The following LAMA5 variants were observed in gnomAD, a reference collection of about 807,000 sequenced individuals.
The protein encoded by LAMA5 is laminin subunit alpha-5.
A neutral mutation model predicts 433.4 loss-of-function variants in LAMA5; 260 were observed. That is an observed-to-expected ratio of 0.60 (90% confidence interval 0.54 to 0.66). LAMA5 has a LOEUF of 0.66. LAMA5 is among the 30% of genes least tolerant of loss of function. The probability of loss-of-function intolerance (pLI) is 0.00; values close to 1 mark genes in which losing one functional copy is unlikely to be tolerated. For missense variants in LAMA5, 5,378 were observed against 5,258.5 expected, an observed-to-expected ratio of 1.02 and a Z score of -0.70; for synonymous variants, 2,620 against 2,226.6, an observed-to-expected ratio of 1.18 and a Z score of -4.97.
Position 62,320,898 on chromosome 20 carries a change from C to G in LAMA5, c.6497-8G>C. ...CCACACAGTGGTCACACACTGCAGG[C>G]GATGTGGGGTCACAGGTCAGTGTCA... is the stretch of plus-strand genomic sequence containing the variant. On this transcript the variant is annotated splice_region_variant and splice_polypyrimidine_tract_variant and intron_variant, in intron 48 of 79. Coordinates refer to ENST00000252999, the MANE Select transcript of LAMA5 (RefSeq NM_005560.6). 1.2e-6 allele frequency: 2 copies of G among 1,601,368 alleles called. No homozygotes were observed. The highest frequency in any genetic ancestry group is 1.7e-6 in the Non-Finnish European group (2 of 1,173,280).
chr20:62,362,518 C>A lies in LAMA5; in HGVS notation c.332G>T (p.Ser111Ile). ...QYCDICTAAN[S>I]NKAHPASNAI... is the part of the protein sequence containing the mutation. ...ATTGCTCGCGGGGTGTGCCTTGTTG[C>A]TGTTGGCAGCCGTGCAGATGTCACA... is the stretch of plus-strand genomic sequence containing the variant. The change falls in exon 2 of 80, where the codon AGC becomes ATC. Residue 111 changes from serine (S) to isoleucine (I), a missense_variant. Transcript: ENST00000252999. 1 of 1,600,702 alleles carries A rather than the reference C, an allele frequency of 6.2e-7. No individual in the cohort carries two copies. Among genetic ancestry groups the A allele is most frequent in the South Asian group, 1.1e-5 (1 of 89,692 alleles).
At chr20:62,355,082 C>G (rs1984977011) in intron 2 of LAMA5, among the ~76,000 whole-genome samples, 1 of 152,232 alleles carries the variant, frequency 6.6e-6, no homozygotes, top group African/African-American at 2.4e-5. Context: ...CCTCAGTACT[C>G]AGCCCAACTC....
At chr20:62,332,841 G>C (rs889441672) in intron 26 of LAMA5, 124 bp from the exon 27 acceptor site, 9 of 1,241,652 alleles carry the variant, frequency 7.2e-6, no homozygotes, top group Non-Finnish European at 9.9e-6. Context: ...CCCTGGCCCG[G>C]ACATCTCCAG....
At position 62,352,376 on chromosome 20, in the gene LAMA5, G is replaced by A. The variant is rs375908505; in HGVS notation, c.569-16C>T. The stretch of plus-strand genomic sequence containing the variant: ...CTCTTGGAGGCTGCGGGGAATGGCG[G>A]GAGGGGAGGGCGCTGGATCACCAGA... On this transcript the variant is annotated splice_polypyrimidine_tract_variant and intron_variant, in intron 3 of 79. Coordinates refer to ENST00000252999, the MANE Select transcript of LAMA5 (RefSeq NM_005560.6). 12 of 1,578,048 alleles carry A rather than the reference G, an allele frequency of 7.6e-6. No homozygotes were observed. In the African/African-American group the frequency reaches 1.5e-4, roughly 19 times the overall value.
In LAMA5 at chr20:62,339,586, C is replaced by G. The variant is rs142448598; in HGVS notation, c.1478-978G>C. Among the ~76,000 whole-genome samples the G allele has an allele frequency of 2.3e-4, 34 of 150,084 alleles. 1 individual carries two copies. The East Asian group carries it at 5.6e-3, about 25-fold the overall frequency. On this transcript the variant is annotated intron_variant, in intron 11 of 79. Transcript: ENST00000252999. ...AGAATGTATCAAATGTCTTAACTTA[C>G]GCATGAAAGGAGGGTTGTGAGCACG...
At position 62,314,618 on chromosome 20, in the gene LAMA5, G is replaced by T; in HGVS notation, c.8304C>A (p.Gly2768=). ...AYTALKFYLQ[G]PEPEPGQGTE... ...TACCCTGCCCAGGCTCAGGCTCTGG[G>T]CCCTGCAGGTAGAACTTGAGGGCAG... Residue 2768 remains glycine, a synonymous_variant, in exon 61 of 80, where the codon GGC becomes GGA. Transcript: ENST00000252999. 6.2e-7 allele frequency: 1 copy of T among 1,612,512 alleles called. No individual in the cohort carries two copies.
chr20:62,359,702 G>A lies in LAMA5; in HGVS notation c.450+2698C>T. Among the ~76,000 whole-genome samples, 1 of 151,938 alleles carries A rather than the reference G, an allele frequency of 6.6e-6. No individual in the cohort carries two copies. The highest frequency in any genetic ancestry group is 1.9e-4 in the East Asian group (1 of 5,156). On this transcript the variant is annotated intron_variant, in intron 2 of 79. Coordinates refer to ENST00000252999, the MANE Select transcript of LAMA5 (RefSeq NM_005560.6). This position sits in a 1 kb window ranked among gnomAD's most constrained non-coding sequence, Gnocchi z 4.3. ...TCCTGAGGCCCCACCCTTGGAGAGA[G>A]AACCCCTCCACGGCTGGGCGCAGCG...
In LAMA5 at chr20:62,327,279, A is replaced by C. The variant is rs1382832168; in HGVS notation, c.5066T>G (p.Phe1689Cys). 1.3e-6 allele frequency: 2 copies of C among 1,566,772 alleles called. No homozygotes were observed. The highest frequency in any genetic ancestry group is 2.3e-5 in the East Asian group (1 of 44,074). Reference sequence around the variant, plus strand: ...TGGGGCCTGCCAGTACAGCTCGGGGAAAGCCTCGGGCACAGCCTCAGGCAC... The same window carrying C: ...TGGGGCCTGCCAGTACAGCTCGGGGCAAGCCTCGGGCACAGCCTCAGGCAC... The part of the protein sequence containing the change: ...RHVPEAVPEA[F>C]PELYWQAPPS... Residue 1689 changes from phenylalanine (F) to cysteine (C), a missense_variant, in exon 38 of 80, where the codon TTC becomes TGC. Phe to Cys is a radical substitution (Grantham distance 205, BLOSUM62 -2). Transcript: ENST00000252999.
rs745428452 is a variant in LAMA5 at position 62,367,014 on chromosome 20, C to T, written c.232G>A (p.Glu78Lys). The change falls in exon 1 of 80, where the codon GAG (glutamate) becomes AAG (lysine). Residue 78 changes from glutamate (E) to lysine (K), a missense_variant. Coordinates refer to ENST00000252999, the MANE Select transcript of LAMA5 (RefSeq NM_005560.6). Reference protein sequence around the residue: ...APARGSPRPTEDLYCKLVGGP... With the variant: ...APARGSPRPTKDLYCKLVGGP... ...CCTACCAGCTTGCAGTAAAGGTCCT[C>T]GGTGGGGCGCGGGGAGCCGCGCGCC... 5.5e-6 allele frequency: 7 copies of T among 1,274,184 alleles called. No homozygotes were observed. The highest frequency in any genetic ancestry group is 6.9e-6 in the Non-Finnish European group (7 of 1,012,450). 78.9% of individuals were successfully genotyped at this position (1,274,184 alleles called of 1,614,324 possible).
intron 16 of LAMA5, 131 bp downstream of exon 16, chr20:62,337,459 G>T: frequency 8.0e-7 from 1 of 1,247,136 alleles, no homozygotes; most frequent in Non-Finnish European, 1.1e-6. Flanking sequence ...AACACAGAGC[G>T]TGGGGACGCA....
At chr20:62,352,774 G>A (rs550870628) in intron 3 of LAMA5, among the ~76,000 whole-genome samples, 114 of 152,266 alleles carry the variant, frequency 7.5e-4, no homozygotes, top group African/African-American at 2.7e-3. Context: ...CCAGCATCCG[G>A]GCTAGGACTC....
rs1985648732 is a variant in LAMA5, at chr20:62,359,032, A to C, written c.450+3368T>G. Among the ~76,000 whole-genome samples the C allele has an allele frequency of 6.9e-6, 1 of 144,066 alleles. No individual in the cohort carries two copies. Among genetic ancestry groups the C allele is most frequent in the African/African-American group, 2.6e-5 (1 of 38,366 alleles). 94.5% of individuals were successfully genotyped at this position (144,066 alleles called of 152,430 possible). A position where few individuals can be genotyped will look rare whatever the true frequency, so the allele number is the denominator to read the frequency against. On this transcript the variant is annotated intron_variant, in intron 2 of 79. Transcript: ENST00000252999. The surrounding 1 kb of genome is among the most constrained non-coding windows in gnomAD (Gnocchi z 4.3). ...ACCCTGCCAGCCCCAGTTCCCCCACACCTTGACCCCCACCTGGGCCTCCCC... is the reference window on the plus strand; with the variant it reads ...ACCCTGCCAGCCCCAGTTCCCCCACCCCTTGACCCCCACCTGGGCCTCCCC...
chr20:62,331,385 C>A lies in LAMA5; in HGVS notation c.3553-256G>T, dbSNP rs958016832. Reference sequence around the variant, plus strand: ...GGAAACTGCAAACCCAGGCGTCCGACCGAGCCCTGCTCTTTCCAAGATGCC... The same window carrying A: ...GGAAACTGCAAACCCAGGCGTCCGAACGAGCCCTGCTCTTTCCAAGATGCC... On this transcript the variant is annotated intron_variant, in intron 28 of 79. Transcript: ENST00000252999. 4.6e-5 allele frequency among the ~76,000 whole-genome samples: 7 copies of A among 151,896 alleles called. No individual in the cohort carries two copies. The South Asian group carries it at 1.5e-3, about 32-fold the overall frequency.
At chr20:62,344,929 C>T (rs1029668031) in intron 11 of LAMA5, among the ~76,000 whole-genome samples, 7 of 152,154 alleles carry the variant, frequency 4.6e-5, no homozygotes, top group Non-Finnish European at 1.0e-4. Flanking sequence ...GGGTGCAGAG[C>T]GCATGACGAA....
chr20:62,346,990 G>T lies in LAMA5; in HGVS notation c.995C>A (p.Thr332Asn). 1.2e-6 allele frequency: 2 copies of T among 1,612,422 alleles called. No homozygotes were observed. Reference protein sequence around the residue: ...CTCQHNTCGGTCDRCCPGFNQ... With the variant: ...CTCQHNTCGGNCDRCCPGFNQ... ...GAAGCCGGGGCAGCAGCGGTCGCAG[G>T]TGCCCCCGCAGGTGTTGTGCTGGCA... Residue 332 changes from threonine to asparagine, a missense_variant, in exon 7 of 80, where the codon ACC becomes AAC. Transcript: ENST00000252999.
rs372622372 is a variant in LAMA5 at position 62,332,382 on chromosome 20, C to T, written c.3542G>A (p.Arg1181His). The change falls in exon 28 of 80, where the codon CGC becomes CAC. Residue 1181 changes from arginine (R) to histidine (H), a missense_variant. Arg to His is a conservative substitution (Grantham distance 29). Coordinates refer to ENST00000252999, the MANE Select transcript of LAMA5 (RefSeq NM_005560.6). ...CTGAGGGGTCCTTACCAGGAAGAAG[C>T]GTGCCTGTTCGGCTGTGAGCCTCAC... ...ASVRLTAEQA[R>H]FFLHGVTLVP... is the part of the protein sequence containing the mutation. The T allele has an allele frequency of 1.1e-4, 177 of 1,611,244 alleles. No homozygotes were observed. The highest frequency in any genetic ancestry group is 1.8e-4 in the Admixed American group (11 of 59,992).
Position 62,311,072 on chromosome 20 carries a change from G to C in LAMA5, c.10111C>G (p.Leu3371Val). The change falls in exon 74 of 80, where the codon CTC (leucine) becomes GTC (valine). Residue 3371 changes from leucine to valine, a missense_variant. Coordinates refer to ENST00000252999, the MANE Select transcript of LAMA5 (RefSeq NM_005560.6). ...RNWPSLSMHV[L>V]PRSSRGLLLF... ...AGGAGGCCTCGGGAGCTTCGCGGGA[G>C]GACGTGCATGGAGAGACTGGGCCTG... is the stretch of plus-strand genomic sequence containing the variant. 6.3e-7 allele frequency: 1 copy of C among 1,590,050 alleles called. No individual in the cohort carries two copies. The highest frequency in any genetic ancestry group is 8.6e-7 in the Non-Finnish European group (1 of 1,168,152).
chr20:62,337,220 C>T (rs1011761103), intron 16 of LAMA5, among the ~76,000 whole-genome samples: 7 of 151,748 alleles, frequency 4.6e-5, no homozygotes, highest in African/African-American at 1.5e-4. Context: ...ATGCGACACG[C>T]GCCCACATGC....
intron 32 of LAMA5, 37 bp from the exon 33 acceptor site, chr20:62,329,290 A>G (rs761627044): frequency 9.9e-6 from 15 of 1,509,746 alleles, no homozygotes; most frequent in Middle Eastern, 1.7e-4. Context: ...CCGCGGGCCC[A>G]GAGCCTGCAG....
Sources: allele counts gnomAD v4.1 joint callset (sites outside exome capture counted in the v4.1 genomes callset), GRCh38; gene constraint gnomAD v4.1.1; non-coding constraint Gnocchi (gnomAD v3.1); transcripts MANE v1.5; gene names NCBI Gene and HGNC (gene_info 2026-07-23, HGNC 2026-07-21).